The following POF1B variants were observed in gnomAD, a reference collection of about 807,000 sequenced individuals.
POF1B encodes the protein protein POF1B.
In POF1B, 53 loss-of-function variants were observed where a neutral mutation model predicts 55.3. The observed-to-expected ratio is 0.96, with a 90% confidence interval of 0.77 to 1.20. The LOEUF (loss-of-function observed/expected upper bound fraction) is 1.20, where lower values mean the gene tolerates loss of function less well. POF1B is among the 50% of genes most tolerant of loss of function. The pLI is 0.00. For missense variants in POF1B, 478 were observed against 420.5 expected, an observed-to-expected ratio of 1.14 and a Z score of -1.20; for synonymous variants, 188 against 148.3, an observed-to-expected ratio of 1.27 and a Z score of -1.95.
At chrX:85,286,286 C>T (rs1932052922) in intron 15 of POF1B, among the ~76,000 whole-genome samples, 1 of 108,472 alleles carries the variant, frequency 9.2e-6, no homozygotes, top group Non-Finnish European at 1.9e-5. Context: ...ATTATGAACC[C>T]TACAGCAAAC....
At chrX:85,337,569 C>T (rs1219980489) in intron 6 of POF1B, among the ~76,000 whole-genome samples, 1 of 111,478 alleles carries the variant, frequency 9.0e-6, no homozygotes, top group African/African-American at 3.3e-5. Context: ...TTGTCCATCT[C>T]GCCCCACCTC....
chrX:85,355,627 C>T (rs1452563620), intron 4 of POF1B, among the ~76,000 whole-genome samples: 1 of 111,665 alleles, frequency 9.0e-6, no homozygotes, highest in Non-Finnish European at 1.9e-5. Context: ...AAACAAACAA[C>T]CCCATCGAAA....
chrX:85,350,052 C>CT (rs766878083), intron 5 of POF1B, among the ~76,000 whole-genome samples: 8 of 110,129 alleles, frequency 7.3e-5, no homozygotes, highest in Non-Finnish European at 1.5e-4. Context: ...TATTATTATA[C>CT]TTTAAGTTTT....
chrX:85,321,114 C>T (rs193249240), intron 7 of POF1B, among the ~76,000 whole-genome samples: 21 of 111,699 alleles, frequency 1.9e-4, no homozygotes, highest in African/African-American at 6.5e-4. Context: ...CATCCTGATA[C>T]CAAAGCCGGG....
chrX:85,294,764 T>C (rs1031014396), intron 15 of POF1B, among the ~76,000 whole-genome samples: 1 of 111,900 alleles, frequency 8.9e-6, no homozygotes. Flanking sequence ...TCCTCCTCTA[T>C]TTTTGGAATA....
At chrX:85,320,062 T>G in intron 7 of POF1B, among the ~76,000 whole-genome samples, 1 of 111,439 alleles carries the variant, frequency 9.0e-6, no homozygotes, top group East Asian at 2.8e-4. Flanking sequence ...CTCATTATTG[T>G]TCTGTTCAGG....
intron 5 of POF1B, among the ~76,000 whole-genome samples, chrX:85,350,307 G>C (rs1402939863): frequency 9.1e-6 from 1 of 109,674 alleles, no homozygotes; most frequent in Non-Finnish European, 1.9e-5. Context: ...TCTTGCGATA[G>C]TTTACTGAGA....
chrX:85,322,596 G>C (rs1159935238), intron 7 of POF1B, among the ~76,000 whole-genome samples: 6 of 111,689 alleles, frequency 5.4e-5, no homozygotes, highest in Middle Eastern at 4.2e-3. Context: ...TGACAAATGG[G>C]ATCTAATTAA....
At chrX:85,287,619 A>C (rs892535072) in intron 15 of POF1B, among the ~76,000 whole-genome samples, 2 of 111,232 alleles carry the variant, frequency 1.8e-5, no homozygotes, top group Non-Finnish European at 3.8e-5. Flanking sequence ...CACAAAGTCA[A>C]CTCCAGTCCA....
intron 6 of POF1B, among the ~76,000 whole-genome samples, chrX:85,335,841 T>C (rs2147928397): frequency 9.0e-6 from 1 of 111,101 alleles, no homozygotes; most frequent in South Asian, 3.8e-4. Context: ...TTATGCTTTC[T>C]CTGTGTTACA....
In POF1B at chrX:85,343,121, T is replaced by G. The variant is rs1299438377; in HGVS notation, c.723+2739A>C. 4.5e-5 allele frequency among the ~76,000 whole-genome samples: 5 copies of G among 110,197 alleles called. No homozygotes were observed. In the Admixed American group the frequency reaches 4.9e-4, roughly 11 times the overall value. ...GGTTGATGGGTGCAGCAAACCATCA[T>G]GGCACGTGTATACCTATATAAGCAA... On this transcript the variant is annotated intron_variant, in intron 6 of 16. Coordinates refer to ENST00000262753, the MANE Select transcript of POF1B (RefSeq NM_024921.4).
chrX:85,319,128 C>T (rs1382663980), intron 7 of POF1B, among the ~76,000 whole-genome samples: 1 of 111,187 alleles, frequency 9.0e-6, no homozygotes, highest in Non-Finnish European at 1.9e-5. Context: ...CTTTTTGTGG[C>T]AATTGTGAAT....
At chrX:85,367,038 C>T (rs1227189040) in intron 3 of POF1B, among the ~76,000 whole-genome samples, 1 of 111,372 alleles carries the variant, frequency 9.0e-6, no homozygotes, top group African/African-American at 3.3e-5. Flanking sequence ...CAGCATCTCC[C>T]GCCTTCCTAC....
chrX:85,293,143 A>G (rs1323528528), intron 15 of POF1B, among the ~76,000 whole-genome samples: 4 of 112,207 alleles, frequency 3.6e-5, no homozygotes, highest in African/African-American at 1.3e-4. Flanking sequence ...AGACAGAGAT[A>G]CCATTCAACA....
chrX:85,296,694 G>A (rs1569280348), intron 15 of POF1B, among the ~76,000 whole-genome samples: 1 of 111,480 alleles, frequency 9.0e-6, no homozygotes, highest in Non-Finnish European at 1.9e-5. Context: ...ATTGACCTTC[G>A]TGAATCTGAT....
At chrX:85,367,601 T>G (rs1477542667) in intron 3 of POF1B, 91 bp downstream of exon 3, 4 of 624,651 alleles carry the variant, frequency 6.4e-6, no homozygotes, top group Admixed American at 2.8e-5. Context: ...GTGTAAAGTC[T>G]TATGGGGGTC....
At chrX:85,355,253 A>G (rs1253775739) in intron 4 of POF1B, among the ~76,000 whole-genome samples, 1 of 111,965 alleles carries the variant, frequency 8.9e-6, no homozygotes, top group East Asian at 2.8e-4. Flanking sequence ...CTGGCTAGCC[A>G]TATGTAGAAA....
chrX:85,356,073 T>A (rs1336129907), intron 4 of POF1B, among the ~76,000 whole-genome samples: 1 of 111,320 alleles, frequency 9.0e-6, no homozygotes, highest in African/African-American at 3.3e-5. Flanking sequence ...TGTCCATCAA[T>A]GATAGACTGG....
chrX:85,294,437 T>A (rs964614946), intron 15 of POF1B, among the ~76,000 whole-genome samples: 1 of 112,280 alleles, frequency 8.9e-6, no homozygotes, highest in African/African-American at 3.2e-5. Context: ...GATGTTGGAC[T>A]TTATTGATAG....
Sources: gnomAD v4.1 joint callset for allele counts (sites outside exome capture counted in the v4.1 genomes callset) on GRCh38, gnomAD v4.1.1 for gene constraint, MANE v1.5 for transcripts, NCBI Gene and HGNC (gene_info 2026-07-23, HGNC 2026-07-21) for gene names.